SLIT2: variants seen among roughly 807,000 people sequenced by gnomAD.
SLIT2 encodes the protein slit homolog 2 protein.
Under a neutral mutation model 185.7 loss-of-function variants are expected in SLIT2, and 41 were observed. That is an observed-to-expected ratio of 0.22 (90% CI 0.17 to 0.29). The LOEUF is 0.29. Ranked by LOEUF, SLIT2 falls within the 10% of genes least tolerant of loss-of-function variation. The pLI is 1.00. For missense variants in SLIT2, 1,571 were observed against 1,909.0 expected, an observed-to-expected ratio of 0.82 and a Z score of 3.30; for synonymous variants, 693 against 680.2, an observed-to-expected ratio of 1.02 and a Z score of -0.29.
intron 4 of SLIT2, among the ~76,000 whole-genome samples, chr4:20,281,824 A>T (rs1714803092): frequency 6.6e-6 from 1 of 152,190 alleles, no homozygotes. Context: ...GAAAAAGCAA[A>T]GTTGTATGAA....
chr4:20,532,429 G>C (rs1339724662), intron 17 of SLIT2, among the ~76,000 whole-genome samples: 1 of 151,280 alleles, frequency 6.6e-6, no homozygotes, highest in Non-Finnish European at 1.5e-5. Flanking sequence ...GGACTTTTTT[G>C]CTTCATTAAA....
intron 4 of SLIT2, among the ~76,000 whole-genome samples, chr4:20,384,996 A>G (rs1384734479): frequency 6.6e-6 from 1 of 152,166 alleles, no homozygotes; most frequent in African/African-American, 2.4e-5. Flanking sequence ...CTTTACAGTC[A>G]TTCTGCTGGT....
intron 15 of SLIT2, among the ~76,000 whole-genome samples, chr4:20,526,186 T>C (rs1721276508): frequency 6.6e-6 from 1 of 152,164 alleles, no homozygotes; most frequent in Non-Finnish European, 1.5e-5. Flanking sequence ...ACTCTGGGTT[T>C]AGTCTCTATT....
intron 4 of SLIT2, among the ~76,000 whole-genome samples, chr4:20,390,515 C>T (rs1725327410): frequency 6.6e-6 from 1 of 151,966 alleles, no homozygotes; most frequent in South Asian, 2.1e-4. Flanking sequence ...CCTAAAACCA[C>T]TAGTAGTTTG....
At chr4:20,524,243 C>T (rs1356255520) in intron 14 of SLIT2, 66 bp downstream of exon 14, 29 of 1,494,648 alleles carry the variant, frequency 1.9e-5, no homozygotes, top group Middle Eastern at 1.7e-4. Flanking sequence ...CTAACAAAAG[C>T]AGCTGGCCTT....
In SLIT2 at chr4:20,524,074, C is replaced by T; in HGVS notation, c.1335C>T (p.Leu445=). ...ATCTCAAGTGGCTAGCGGATTATCT[C>T]CATACCAACCCGATTGAGACCAGTG... ...DCHLKWLADY[L]HTNPIETSGA... is the part of the protein sequence containing the mutation. Residue 445 remains leucine (L), a synonymous_variant, in exon 14 of 37, where the codon CTC becomes CTT. Transcript: ENST00000504154. 2 of 1,614,174 alleles carry T rather than the reference C, an allele frequency of 1.2e-6. No homozygotes were observed. The highest frequency in any genetic ancestry group is 1.6e-4 in the Middle Eastern group (1 of 6,062).
chr4:20,511,597 T>TTTTTTTTTTTTA (rs1334787977), intron 11 of SLIT2, among the ~76,000 whole-genome samples: 7 of 139,092 alleles, frequency 5.0e-5, no homozygotes, highest in East Asian at 2.2e-4. Context: ...ATTTTTTTTT[T>TTTTTTTTTTTTA]TTTTTTATTT....
chr4:20,403,475 G>T (rs1272421121), intron 4 of SLIT2, among the ~76,000 whole-genome samples: 1 of 151,856 alleles, frequency 6.6e-6, no homozygotes, highest in Non-Finnish European at 1.5e-5. Flanking sequence ...ACCTAGCAGG[G>T]CTCCCTGTAG....
At chr4:20,259,529 T>C (rs1488949649) in intron 3 of SLIT2, among the ~76,000 whole-genome samples, 3 of 151,808 alleles carry the variant, frequency 2.0e-5, no homozygotes, top group Non-Finnish European at 3.0e-5. Flanking sequence ...GTTTTAAATA[T>C]TTTCAGGGAC....
At chr4:20,571,741 C>A (rs1257103130) in intron 29 of SLIT2, among the ~76,000 whole-genome samples, 1 of 152,150 alleles carries the variant, frequency 6.6e-6, no homozygotes, top group Non-Finnish European at 1.5e-5. Context: ...AAAAATCATC[C>A]TAGTAACAAG....
intron 4 of SLIT2, among the ~76,000 whole-genome samples, chr4:20,343,353 G>A (rs1277149509): frequency 1.3e-5 from 2 of 152,056 alleles, no homozygotes; most frequent in East Asian, 1.9e-4. Flanking sequence ...TTCACTTGAC[G>A]TAATGATCTC....
intron 7 of SLIT2, among the ~76,000 whole-genome samples, chr4:20,488,312 T>G (rs773953110): frequency 2.0e-4 from 30 of 152,126 alleles, no homozygotes; most frequent in Non-Finnish European, 4.1e-4. Flanking sequence ...GAAAAAAGTG[T>G]TTTATATTGA....
chr4:20,538,522 TC>T (rs1186007310), intron 18 of SLIT2, among the ~76,000 whole-genome samples: 1 of 152,228 alleles, frequency 6.6e-6, no homozygotes, highest in Non-Finnish European at 1.5e-5. Flanking sequence ...TTTTTACCTC[TC>T]TTTTTCACAT....
intron 29 of SLIT2, chr4:20,573,158 G>A (rs145088018): frequency 3.4e-5 from 24 of 702,406 alleles, no homozygotes; most frequent in East Asian, 1.6e-4. Context: ...TGAACGCTGC[G>A]CATTGGCTTC....
chr4:20,468,920 A>T (rs539014254), intron 5 of SLIT2, among the ~76,000 whole-genome samples: 2 of 152,058 alleles, frequency 1.3e-5, no homozygotes, highest in South Asian at 4.2e-4. Flanking sequence ...CTGTTTGTAA[A>T]GCCACAGATT....
At chr4:20,514,096 A>G (rs1719985222) in intron 11 of SLIT2, among the ~76,000 whole-genome samples, 1 of 152,182 alleles carries the variant, frequency 6.6e-6, no homozygotes, top group Admixed American at 6.5e-5. Context: ...AAAATCTTCC[A>G]GAAGGGAGCA....
chr4:20,472,588 A>ATC (rs373138612), intron 5 of SLIT2, among the ~76,000 whole-genome samples: 602 of 12,296 alleles, frequency 0.049, 205 homozygotes, highest in African/African-American at 0.074. Flanking sequence ...ATCTATATAT[A>ATC]GATATATATC....
chr4:20,508,785 A>G (rs76456351), intron 9 of SLIT2, among the ~76,000 whole-genome samples: 3,325 of 152,248 alleles, frequency 0.022, 88 homozygotes, highest in Admixed American at 0.076. Context: ...TCAAAGGGAA[A>G]AAAGATTGTT....
chr4:20,510,649 T>C (rs2148825114), intron 10 of SLIT2, 83 bp downstream of exon 10: 4 of 800,760 alleles, frequency 5.0e-6, no homozygotes, highest in Middle Eastern at 5.9e-4. Context: ...TAAGTATGAG[T>C]ATATAAGTGT....
Sources: gnomAD v4.1 joint callset for allele counts (sites outside exome capture counted in the v4.1 genomes callset) on GRCh38, gnomAD v4.1.1 for gene constraint, MANE v1.5 for transcripts, NCBI Gene and HGNC (gene_info 2026-07-23, HGNC 2026-07-21) for gene names.